Variants in TMEM38B observed in about 807,000 individuals in gnomAD.
The protein encoded by TMEM38B is trimeric intracellular cation channel type B.
Under a neutral mutation model 28.7 loss-of-function variants are expected in TMEM38B, and 24 were observed. The ratio of observed to expected loss-of-function variants is 0.84; its 90% CI spans 0.61 to 1.18. The LOEUF is 1.18. TMEM38B is among the 50% of genes most tolerant of loss of function. The pLI, the probability that TMEM38B is intolerant of heterozygous loss-of-function variation, is 0.00. For missense variants in TMEM38B, 380 were observed against 350.9 expected (o/e 1.08, Z -0.66); for synonymous variants, 131 against 127.7 (o/e 1.03, Z -0.17).
intron 2 of TMEM38B, among the ~76,000 whole-genome samples, chr9:105,721,332 C>T (rs577809623): frequency 1.0e-3 from 153 of 152,230 alleles, no homozygotes; most frequent in African/African-American, 3.5e-3. Context: ...CTGATCATGA[C>T]TTTTTGGCAG....
rs190366944 is a variant in TMEM38B, at chr9:105,738,137, A to C, written c.543-9936A>C. 7.9e-5 allele frequency among the ~76,000 whole-genome samples: 12 copies of C among 152,168 alleles called. No homozygotes were observed. In the East Asian group the frequency reaches 2.3e-3, roughly 29 times the overall value. On this transcript the variant is annotated intron_variant, in intron 4 of 5. Transcript: ENST00000374692. ...CAGGTTGGGCTACAGAAGATGAGGG[A>C]GGTGTAGGATTCTTCCTTGGGGTGA... is the stretch of plus-strand genomic sequence containing the variant.
At chr9:105,744,089 A>G (rs1432299363) in intron 4 of TMEM38B, among the ~76,000 whole-genome samples, 5 of 152,080 alleles carry the variant, frequency 3.3e-5, no homozygotes, top group East Asian at 1.9e-4. Context: ...AAAAGACATC[A>G]TAAATAAATA....
At position 105,721,308 on chromosome 9, in the gene TMEM38B, G is replaced by A. The variant is rs7859125; in HGVS notation, c.270-229G>A. Among the ~76,000 whole-genome samples, 64,985 of 151,966 alleles carry A rather than the reference G, an allele frequency of 0.43. 16,027 individuals carry two copies. Among genetic ancestry groups the A allele is most frequent in the African/African-American group, 0.68 (28,057 of 41,476 alleles). On this transcript the variant is annotated intron_variant, in intron 2 of 5. Transcript: ENST00000374692. ...TCTATAAAGTATTCAGAAGTCCACA[G>A]TTTACATTCTTCTCTGATCATGACT...
chr9:105,713,543 C>T lies in TMEM38B; in HGVS notation c.269+7790C>T, dbSNP rs1204658851. 1.3e-4 allele frequency among the ~76,000 whole-genome samples: 20 copies of T among 152,254 alleles called. No individual in the cohort carries two copies. In the South Asian group the frequency reaches 1.7e-3, roughly 13 times the overall value. ...TCTGGACTTTGGGTGCTGAAGAGTG[C>T]GGGAGGGGAAACTGAGGGGTGGCTG... On this transcript the variant is annotated intron_variant, in intron 2 of 5. Transcript: ENST00000374692.
chr9:105,767,482 G>A (rs557830116), intron 5 of TMEM38B, among the ~76,000 whole-genome samples: 19 of 152,148 alleles, frequency 1.2e-4, no homozygotes, highest in Admixed American at 6.5e-5. Context: ...TGGAAAAAAC[G>A]CCTTCTGGAA....
In TMEM38B at chr9:105,721,720, A is replaced by C. The variant is rs1228357354; in HGVS notation, c.453A>C (p.Arg151=). Residue 151 remains arginine (R), a splice_region_variant and synonymous_variant, in exon 3 of 6, where the codon CGA becomes CGC. Transcript: ENST00000374692. ...WIVMIAIGWA[R]GAGGTIITNF... ...TCATGATAGCTATTGGATGGGCCCG[A>C]GGTAATATTGACAATATGTGTTCAT... 6.2e-7 allele frequency: 1 copy of C among 1,607,172 alleles called. No individual in the cohort carries two copies. The highest frequency in any genetic ancestry group is 8.5e-7 in the Non-Finnish European group (1 of 1,176,262).
intron 4 of TMEM38B, among the ~76,000 whole-genome samples, chr9:105,742,251 A>C (rs1233789206): frequency 6.6e-6 from 1 of 152,244 alleles, no homozygotes; most frequent in Non-Finnish European, 1.5e-5. Context: ...CTACAGGCCT[A>C]GAGGCCTGTG....
intron 2 of TMEM38B, among the ~76,000 whole-genome samples, chr9:105,711,098 A>G (rs888648133): frequency 5.9e-5 from 9 of 152,244 alleles, no homozygotes; most frequent in Non-Finnish European, 1.3e-4. Context: ...TTATATATCC[A>G]TCATTTAGAT....
chr9:105,752,480 C>T (rs1044476910), intron 5 of TMEM38B, among the ~76,000 whole-genome samples: 3 of 152,188 alleles, frequency 2.0e-5, no homozygotes, highest in Non-Finnish European at 2.9e-5. Flanking sequence ...AGCTGGCTGC[C>T]ATCTTTGCTG....
At chr9:105,716,112 G>C (rs984032702) in intron 2 of TMEM38B, among the ~76,000 whole-genome samples, 8 of 152,076 alleles carry the variant, frequency 5.3e-5, no homozygotes, top group African/African-American at 1.4e-4. Flanking sequence ...CCTTGGCTTG[G>C]TGTGGACCTT....
intron 4 of TMEM38B, among the ~76,000 whole-genome samples, chr9:105,746,666 G>T (rs1837407074): frequency 6.6e-6 from 1 of 152,122 alleles, no homozygotes; most frequent in South Asian, 2.1e-4. Context: ...AGTTTTCACA[G>T]GGAATGCTTC....
intron 4 of TMEM38B, among the ~76,000 whole-genome samples, chr9:105,725,609 C>T (rs1430715900): frequency 6.6e-6 from 1 of 152,042 alleles, no homozygotes; most frequent in African/African-American, 2.4e-5. Context: ...TAGCCCATTT[C>T]TGTTAGGCTA....
At chr9:105,714,577 G>C (rs1001246139) in intron 2 of TMEM38B, among the ~76,000 whole-genome samples, 4 of 152,146 alleles carry the variant, frequency 2.6e-5, no homozygotes, top group African/African-American at 9.7e-5. Flanking sequence ...ATTGTCTAAA[G>C]ATACCAGCTT....
chr9:105,759,280 A>G (rs1247053268), intron 5 of TMEM38B: 6 of 753,002 alleles, frequency 8.0e-6, no homozygotes, highest in South Asian at 1.6e-5. Flanking sequence ...AGTGGGATAC[A>G]TAGAATCCAA....
chr9:105,721,701 T>C lies in TMEM38B; in HGVS notation c.434T>C (p.Ile145Thr). 6.2e-7 allele frequency: 1 copy of C among 1,612,800 alleles called. No homozygotes were observed. The highest frequency in any genetic ancestry group is 8.5e-7 in the Non-Finnish European group (1 of 1,179,310). Residue 145 changes from isoleucine to threonine, a missense_variant, in exon 3 of 6, where the codon ATA becomes ACA. Ile to Thr is a moderately conservative substitution (Grantham distance 89). Transcript: ENST00000374692. ...TACAAAAATGGCTGGATAGTCATGATAGCTATTGGATGGGCCCGAGGTAAT... is the reference window on the plus strand; with the variant it reads ...TACAAAAATGGCTGGATAGTCATGACAGCTATTGGATGGGCCCGAGGTAAT... ...SYYKNGWIVM[I>T]AIGWARGAGG...
At chr9:105,714,967 T>C (rs1836039351) in intron 2 of TMEM38B, among the ~76,000 whole-genome samples, 1 of 152,258 alleles carries the variant, frequency 6.6e-6, no homozygotes. Context: ...ATATTTCTAA[T>C]TCAAATTCAG....
intron 4 of TMEM38B, among the ~76,000 whole-genome samples, chr9:105,730,600 C>T (rs971297815): frequency 2.0e-5 from 3 of 152,142 alleles, no homozygotes; most frequent in African/African-American, 7.2e-5. Flanking sequence ...AGGGAGGATT[C>T]CCTCTTTTTC....
intron 5 of TMEM38B, among the ~76,000 whole-genome samples, chr9:105,754,853 G>A (rs181888344): frequency 5.7e-4 from 87 of 152,086 alleles, no homozygotes; most frequent in African/African-American, 2.0e-3. Context: ...TTTGGAAAAC[G>A]TTTATAAATA....
Position 105,774,729 on chromosome 9 carries a change from C to G in TMEM38B, c.*649C>G, listed in dbSNP as rs1330706383. Reference sequence around the variant, plus strand: ...TAGTTTTACTACTTTTCATTTAGAACAGAGTATGAGTCTTAATCTGAAGTC... The same window carrying G: ...TAGTTTTACTACTTTTCATTTAGAAGAGAGTATGAGTCTTAATCTGAAGTC... On this transcript the variant is annotated 3_prime_UTR_variant, in exon 6 of 6. Coordinates refer to ENST00000374692, the MANE Select transcript of TMEM38B (RefSeq NM_018112.3). The G allele has an allele frequency of 3.3e-5, 5 of 151,752 alleles. No homozygotes were observed. Among genetic ancestry groups the G allele is most frequent in the Admixed American group, 2.6e-4 (4 of 15,214 alleles). The allele number at this position is 151,752 out of a possible 1,614,324, so 9.4% of individuals were successfully genotyped here. A position where few individuals can be genotyped will look rare whatever the true frequency, so the allele number is the denominator to read the frequency against.
Sources: allele counts gnomAD v4.1 joint callset (sites outside exome capture counted in the v4.1 genomes callset), GRCh38; gene constraint gnomAD v4.1.1; transcripts MANE v1.5; gene names NCBI Gene and HGNC (gene_info 2026-07-23, HGNC 2026-07-21).